The following ANKRD55 variants were observed in gnomAD, a reference collection of about 807,000 sequenced individuals.
The protein encoded by ANKRD55 is ankyrin repeat domain 55.
ANKRD55 carries 41 observed loss-of-function variants against 60.6 expected under a neutral mutation model. That is an observed-to-expected ratio of 0.68 (90% CI 0.53 to 0.88). The LOEUF (loss-of-function observed/expected upper bound fraction) is 0.88, where lower values mean the gene tolerates loss of function less well. Among genes scored for constraint, ANKRD55 ranks in the 40% least tolerant of loss-of-function variants. The pLI, the probability that ANKRD55 is intolerant of heterozygous loss-of-function variation, is 0.00. For missense variants in ANKRD55, 732 were observed against 767.6 expected (o/e 0.95, Z 0.55); for synonymous variants, 264 against 290.3 (o/e 0.91, Z 0.92).
intron 5 of ANKRD55, chr5:56,161,969 G>A: frequency 1.0e-6 from 1 of 985,316 alleles, no homozygotes; most frequent in Non-Finnish European, 1.2e-6. Flanking sequence ...TGTGAGTGGG[G>A]GCAGGGCTTA....
intron 6 of ANKRD55, among the ~76,000 whole-genome samples, chr5:56,159,392 C>T (rs1034594290): frequency 6.6e-6 from 1 of 151,284 alleles, no homozygotes; most frequent in Non-Finnish European, 1.5e-5. Context: ...ATCTGGGAGG[C>T]GGGGGTTGCG....
At chr5:56,202,189 A>G (rs1440856217) in intron 2 of ANKRD55, among the ~76,000 whole-genome samples, 1 of 152,160 alleles carries the variant, frequency 6.6e-6, no homozygotes, top group Non-Finnish European at 1.5e-5. Flanking sequence ...AGAAGAGCTA[A>G]TAGATGCCGA....
chr5:56,104,779 A>T (rs187376099), intron 10 of ANKRD55, among the ~76,000 whole-genome samples: 1 of 151,922 alleles, frequency 6.6e-6, no homozygotes, highest in East Asian at 1.9e-4. Context: ...TCAGGAGGGG[A>T]TTGCAATTGA....
intron 2 of ANKRD55, among the ~76,000 whole-genome samples, chr5:56,196,298 A>T (rs1224116880): frequency 6.6e-6 from 1 of 152,208 alleles, no homozygotes. Flanking sequence ...AGATTGTATT[A>T]TTATTCTATT....
At chr5:56,144,412 C>A (rs563570049) in intron 6 of ANKRD55, among the ~76,000 whole-genome samples, 1 of 152,226 alleles carries the variant, frequency 6.6e-6, no homozygotes, top group African/African-American at 2.4e-5. Flanking sequence ...GGAGTGCAAT[C>A]CCCCACCACC....
intron 9 of ANKRD55, among the ~76,000 whole-genome samples, chr5:56,112,504 C>CAAAAAAAAAAAAAAAAACAA (rs1756745530): frequency 3.9e-5 from 1 of 25,662 alleles, no homozygotes; most frequent in African/African-American, 1.8e-4. Context: ...TCATCTCTAG[C>CAAAAAAAAAAAAAAAAACAA]AAAAAAAAAA....
intron 2 of ANKRD55, among the ~76,000 whole-genome samples, chr5:56,210,510 C>G (rs961426992): frequency 7.2e-6 from 1 of 138,388 alleles, no homozygotes; most frequent in African/African-American, 2.8e-5. Flanking sequence ...TGCAGTGAGC[C>G]GAGATCGCGC....
Position 56,135,331 on chromosome 5 carries a change from C to CTT in ANKRD55, c.613-8227_613-8226dup, listed in dbSNP as rs1398760750. ...TCTTTCTTTCTTTCTTTCTTTCTTT[C>CTT]TTTCTTTCTTTCTTTCTTTCTTTCT... is the stretch of plus-strand genomic sequence containing the variant. On this transcript the variant is annotated intron_variant, in intron 7 of 11. Coordinates refer to ENST00000341048, the MANE Select transcript of ANKRD55 (RefSeq NM_024669.3). Among the ~76,000 whole-genome samples, 56 of 17,168 alleles carry CTT rather than the reference C, an allele frequency of 3.3e-3. 6 individuals carry two copies. The highest frequency in any genetic ancestry group is 0.022 in the African/African-American group (53 of 2,394). The allele number at this position is 17,168 out of a possible 152,430, so 11.3% of individuals were successfully genotyped here.
chr5:56,168,796 G>A (rs1349341358), intron 5 of ANKRD55, among the ~76,000 whole-genome samples: 1 of 152,234 alleles, frequency 6.6e-6, no homozygotes, highest in African/African-American at 2.4e-5. Flanking sequence ...TTGGGTCCCT[G>A]AATTGCCATG....
intron 7 of ANKRD55, chr5:56,136,940 G>T: frequency 2.2e-6 from 1 of 462,682 alleles, no homozygotes; most frequent in Non-Finnish European, 4.0e-6. Context: ...AATTCCAGGA[G>T]ATGCTCTTTC....
At chr5:56,196,407 G>T (rs1020545246) in intron 2 of ANKRD55, among the ~76,000 whole-genome samples, 1 of 152,182 alleles carries the variant, frequency 6.6e-6, no homozygotes, top group Non-Finnish European at 1.5e-5. Context: ...GTAATAGCTA[G>T]TATTTATCGA....
At chr5:56,119,101 A>G (rs2111697786) in intron 8 of ANKRD55, among the ~76,000 whole-genome samples, 1 of 152,372 alleles carries the variant, frequency 6.6e-6, no homozygotes, top group Middle Eastern at 3.4e-3. Flanking sequence ...TTACATTCAC[A>G]GAAATAATGG....
In ANKRD55 at chr5:56,176,289, T is replaced by C; in HGVS notation, c.182-7A>G. Reference sequence around the variant, plus strand: ...TGCATCAAGGGCGTGCATCCTGGAATGAGACATTTCAACAGCCTTTAAACA... The same window carrying C: ...TGCATCAAGGGCGTGCATCCTGGAACGAGACATTTCAACAGCCTTTAAACA... On this transcript the variant is annotated splice_region_variant and splice_polypyrimidine_tract_variant and intron_variant, in intron 3 of 11. Transcript: ENST00000341048. The C allele has an allele frequency of 1.2e-6, 2 of 1,614,098 alleles. No homozygotes were observed. Among genetic ancestry groups the C allele is most frequent in the East Asian group, 2.2e-5 (1 of 44,890 alleles).
At chr5:56,124,035 T>C (rs1007369397) in intron 8 of ANKRD55, among the ~76,000 whole-genome samples, 7 of 152,066 alleles carry the variant, frequency 4.6e-5, no homozygotes, top group Non-Finnish European at 8.8e-5. Context: ...GGATGCAGCG[T>C]TGGTTGAGCT....
chr5:56,178,058 C>G (rs1046593361), intron 3 of ANKRD55, among the ~76,000 whole-genome samples: 1 of 152,120 alleles, frequency 6.6e-6, no homozygotes, highest in South Asian at 2.1e-4. Flanking sequence ...AGCTATAATT[C>G]GAAGTGGAAG....
At chr5:56,112,768 CGAT>C (rs1183361542) in intron 9 of ANKRD55, among the ~76,000 whole-genome samples, 2 of 152,130 alleles carry the variant, frequency 1.3e-5, no homozygotes, top group Non-Finnish European at 2.9e-5. Flanking sequence ...TATGAATTAA[CGAT>C]GAAACCTGAC....
chr5:56,184,579 C>T (rs16885007), intron 2 of ANKRD55, among the ~76,000 whole-genome samples: 178 of 152,160 alleles, frequency 1.2e-3, no homozygotes, highest in Non-Finnish European at 1.3e-3. Flanking sequence ...CTTGTGCATG[C>T]CTGAACCAAC....
At chr5:56,129,813 T>TATA in intron 7 of ANKRD55, among the ~76,000 whole-genome samples, 1 of 152,308 alleles carries the variant, frequency 6.6e-6, no homozygotes, top group Non-Finnish European at 1.5e-5. Context: ...ATGGTGACCA[T>TATA]ATAAAGCAGA....
At chr5:56,178,079 T>C (rs771601102) in intron 3 of ANKRD55, among the ~76,000 whole-genome samples, 8 of 152,184 alleles carry the variant, frequency 5.3e-5, no homozygotes, top group Non-Finnish European at 7.4e-5. Context: ...GAACCACATC[T>C]CTCCTGCTCA....
Sources: gnomAD v4.1 joint callset for allele counts (sites outside exome capture counted in the v4.1 genomes callset) on GRCh38, gnomAD v4.1.1 for gene constraint, MANE v1.5 for transcripts, NCBI Gene and HGNC (gene_info 2026-07-23, HGNC 2026-07-21) for gene names.